Variants in RFTN1 observed in about 807,000 individuals in gnomAD.
RFTN1 encodes raftlin, lipid raft linker 1.
In RFTN1, 26 loss-of-function variants were observed where a neutral mutation model predicts 46.5. That is an observed-to-expected ratio of 0.56 (90% CI 0.41 to 0.78). The LOEUF (loss-of-function observed/expected upper bound fraction) is 0.78. Among genes scored for constraint, RFTN1 ranks in the 30% least tolerant of loss-of-function variants. RFTN1 has a pLI of 0.00. For missense variants in RFTN1, 693 were observed against 718.7 expected (o/e 0.96, Z 0.41); for synonymous variants, 261 against 284.2 (o/e 0.92, Z 0.82).
intron 2 of RFTN1, among the ~76,000 whole-genome samples, chr3:16,476,684 C>T (rs2076285951): frequency 6.6e-6 from 1 of 152,128 alleles, no homozygotes. Context: ...AGAGAAACAC[C>T]CTGGGTCATG....
At position 16,388,639 on chromosome 3, in the gene RFTN1, T is replaced by C. The variant is rs560737351; in HGVS notation, c.442-10537A>G. Among the ~76,000 whole-genome samples, 3 of 152,248 alleles carry C rather than the reference T, an allele frequency of 2.0e-5. No homozygotes were observed. In the East Asian group the frequency reaches 5.8e-4, roughly 29 times the overall value. ...AAATGTGCAGTTCGTGGGTTTTCAG[T>C]CCATCTCTTAAGAAACCAAGTCAAT... On this transcript the variant is annotated intron_variant, in intron 4 of 9. Transcript: ENST00000334133.
At position 16,403,746 on chromosome 3, in the gene RFTN1, TA is replaced by T. The variant is rs2074686596; in HGVS notation, c.441+5628del. Among the ~76,000 whole-genome samples, 3 of 38,130 alleles carry T rather than the reference TA, an allele frequency of 7.9e-5. 1 individual carries two copies. The highest frequency in any genetic ancestry group is 9.7e-4 in the Admixed American group (2 of 2,054). The allele number at this position is 38,130 out of a possible 152,430, so 25.0% of individuals were successfully genotyped here. A position where few individuals can be genotyped will look rare whatever the true frequency, so the allele number is the denominator to read the frequency against. ...TATATATTATATATATTATATTATA[TA>T]TTATATATAAAATATATAATATATA... On this transcript the variant is annotated intron_variant, in intron 4 of 9. Transcript: ENST00000334133.
chr3:16,357,604 C>CG (rs151153935), intron 7 of RFTN1, among the ~76,000 whole-genome samples: 4,718 of 152,318 alleles, frequency 0.031, 113 homozygotes, highest in Middle Eastern at 0.082. Flanking sequence ...TGAGTATTAA[C>CG]GGAGGCCACA....
chr3:16,427,023 C>T lies in RFTN1; in HGVS notation c.332+6828G>A, dbSNP rs1004965765. Among the ~76,000 whole-genome samples the T allele has an allele frequency of 5.9e-5, 9 of 152,054 alleles. No individual in the cohort carries two copies. The highest frequency in any genetic ancestry group is 1.9e-4 in the African/African-American group (8 of 41,372). The stretch of plus-strand genomic sequence containing the variant: ...TGAGATTCCAGCAATTGCTGTGTGT[C>T]GAAGGCAGGATAAGCAGCTCAAAGG... On this transcript the variant is annotated intron_variant, in intron 3 of 9. Transcript: ENST00000334133. The surrounding 1 kb of genome is among the most constrained non-coding windows in gnomAD (Gnocchi z 5.4).
chr3:16,444,410 T>G (rs899895362), intron 2 of RFTN1, among the ~76,000 whole-genome samples: 5 of 152,172 alleles, frequency 3.3e-5, no homozygotes, highest in African/African-American at 7.2e-5. Flanking sequence ...TCCCTATGGG[T>G]TTTTTCCAGG....
At position 16,402,519 on chromosome 3, in the gene RFTN1, A is replaced by G. The variant is rs1409109016; in HGVS notation, c.441+6856T>C. 6.6e-6 allele frequency among the ~76,000 whole-genome samples: 1 copy of G among 152,078 alleles called. No individual in the cohort carries two copies. Among genetic ancestry groups the G allele is most frequent in the Non-Finnish European group, 1.5e-5 (1 of 68,008 alleles). On this transcript the variant is annotated intron_variant, in intron 4 of 9. Coordinates refer to ENST00000334133, the MANE Select transcript of RFTN1 (RefSeq NM_015150.2). The surrounding 1 kb of genome is among the most constrained non-coding windows in gnomAD (Gnocchi z 4.5). ...CAGCAAGCACAGGAGAGCCTTTTTA[A>G]CATAATTTTCATTTCACTCTGAATT... is the stretch of plus-strand genomic sequence containing the variant.
Position 16,426,264 on chromosome 3 carries a change from CCT to C in RFTN1, c.332+7585_332+7586del, listed in dbSNP as rs1481372893. ...CACACCCCAGTAGGCGCTACCACCC[CCT>C]GTGTATTTCGCTTAATTATGAAACC... is the stretch of plus-strand genomic sequence containing the variant. On this transcript the variant is annotated intron_variant, in intron 3 of 9. Transcript: ENST00000334133. This position sits in a 1 kb window ranked among gnomAD's most constrained non-coding sequence, Gnocchi z 5.9. Among the ~76,000 whole-genome samples the C allele has an allele frequency of 2.6e-5, 4 of 152,184 alleles. No individual in the cohort carries two copies. Among genetic ancestry groups the C allele is most frequent in the African/African-American group, 7.2e-5 (3 of 41,438 alleles).
At chr3:16,495,008 G>T (rs2076601945) in intron 1 of RFTN1, among the ~76,000 whole-genome samples, 1 of 152,112 alleles carries the variant, frequency 6.6e-6, no homozygotes, top group South Asian at 2.1e-4. Flanking sequence ...CCTCAGAAAA[G>T]CAACGAGGGC....
At chr3:16,511,518 C>G (rs776346685) in intron 1 of RFTN1, among the ~76,000 whole-genome samples, 1 of 152,116 alleles carries the variant, frequency 6.6e-6, no homozygotes, top group Non-Finnish European at 1.5e-5. Context: ...GGTCACTGTT[C>G]TTGCAACTTT....
chr3:16,509,916 G>A lies in RFTN1; in HGVS notation c.-9+3526C>T, dbSNP rs2076869461. Among the ~76,000 whole-genome samples, 2 of 152,192 alleles carry A rather than the reference G, an allele frequency of 1.3e-5. No individual in the cohort carries two copies. Among genetic ancestry groups the A allele is most frequent in the East Asian group, 1.9e-4 (1 of 5,202 alleles). ...CTGTCTGCCATCTGACTCCTGCAAA[G>A]CTTGGTCAGCCCTGGGACACCTTGA... On this transcript the variant is annotated intron_variant, in intron 1 of 9. Coordinates refer to ENST00000334133, the MANE Select transcript of RFTN1 (RefSeq NM_015150.2). The surrounding 1 kb of genome is among the most constrained non-coding windows in gnomAD (Gnocchi z 4.9).
At chr3:16,431,605 T>C (rs1030687086) in intron 3 of RFTN1, among the ~76,000 whole-genome samples, 10 of 152,104 alleles carry the variant, frequency 6.6e-5, no homozygotes, top group African/African-American at 2.4e-4. Flanking sequence ...GTGCCAGTGA[T>C]CTGACCCAAA....
In RFTN1 at chr3:16,475,303, C is replaced by T. The variant is rs774835546; in HGVS notation, c.145+18422G>A. ...AAGTATTCTTTTATGGCAATACAAACAGACCAAGACACCTAGTATGTTTAG... is the reference window on the plus strand; with the variant it reads ...AAGTATTCTTTTATGGCAATACAAATAGACCAAGACACCTAGTATGTTTAG... On this transcript the variant is annotated intron_variant, in intron 2 of 9. Coordinates refer to ENST00000334133, the MANE Select transcript of RFTN1 (RefSeq NM_015150.2). The surrounding 1 kb of genome is among the most constrained non-coding windows in gnomAD (Gnocchi z 4.2). 1.2e-4 allele frequency among the ~76,000 whole-genome samples: 18 copies of T among 152,198 alleles called. No individual in the cohort carries two copies. The highest frequency in any genetic ancestry group is 1.8e-4 in the Non-Finnish European group (12 of 68,032).
rs904618279 is a variant in RFTN1, at chr3:16,500,673, G to C, written c.-8-6796C>G. Among the ~76,000 whole-genome samples the C allele has an allele frequency of 6.6e-6, 1 of 152,192 alleles. No homozygotes were observed. Among genetic ancestry groups the C allele is most frequent in the Non-Finnish European group, 1.5e-5 (1 of 68,024 alleles). On this transcript the variant is annotated intron_variant, in intron 1 of 9. Transcript: ENST00000334133. The surrounding 1 kb of genome is among the most constrained non-coding windows in gnomAD (Gnocchi z 5.9). ...ATGGTGATCTTCTGGAAAAAATTTT[G>C]GCTGAATCAAACCTTAAGTGGGATG...
In RFTN1 at chr3:16,420,770, A is replaced by C. The variant is rs148383508; in HGVS notation, c.333-11287T>G. 7.8e-4 allele frequency among the ~76,000 whole-genome samples: 119 copies of C among 152,390 alleles called. 3 individuals are homozygous for C. The East Asian group carries it at 0.022, about 28-fold the overall frequency. The stretch of plus-strand genomic sequence containing the variant: ...TAATTTTAACAATTTAAATGGCTAT[A>C]CATGGCTAATGGCTGTGTTACAGGA... On this transcript the variant is annotated intron_variant, in intron 3 of 9. Transcript: ENST00000334133.
rs1401386947 is a variant in RFTN1, at chr3:16,403,805, T to TAA, written c.441+5569_441+5570insTT. The stretch of plus-strand genomic sequence containing the variant: ...TTATATATTTTATATATAATATATA[T>TAA]TATATATTTTATATTATATTTATAT... On this transcript the variant is annotated intron_variant, in intron 4 of 9. Transcript: ENST00000334133. Among the ~76,000 whole-genome samples, 6 of 6,908 alleles carry TAA rather than the reference T, an allele frequency of 8.7e-4. 1 individual carries two copies. Among genetic ancestry groups the TAA allele is most frequent in the African/African-American group, 4.7e-3 (6 of 1,276 alleles). 4.5% of individuals were successfully genotyped at this position (6,908 alleles called of 152,430 possible).
At chr3:16,371,303 C>T (rs1267314733) in intron 5 of RFTN1, among the ~76,000 whole-genome samples, 1 of 152,230 alleles carries the variant, frequency 6.6e-6, no homozygotes, top group South Asian at 2.1e-4. Context: ...TGGACCCACA[C>T]TCTCTGATGC....
chr3:16,480,355 G>A lies in RFTN1; in HGVS notation c.145+13370C>T, dbSNP rs151263085. Among the ~76,000 whole-genome samples, 37 of 152,332 alleles carry A rather than the reference G, an allele frequency of 2.4e-4. No individual in the cohort carries two copies. The East Asian group carries it at 6.7e-3, about 28-fold the overall frequency. On this transcript the variant is annotated intron_variant, in intron 2 of 9. Coordinates refer to ENST00000334133, the MANE Select transcript of RFTN1 (RefSeq NM_015150.2). The surrounding 1 kb of genome is among the most constrained non-coding windows in gnomAD (Gnocchi z 4.3). ...TCTTTTAAGAGGGCCCAATGAGGCT[G>A]TCAAACTAATGTGTACTCCTCCTGA...
In RFTN1 at chr3:16,387,570, T is replaced by TTCTCTC. The variant is rs3054539; in HGVS notation, c.442-9474_442-9469dup. Reference sequence around the variant, plus strand: ...CACTTCTCTCTTCTATATCCTCAATTTCTCTCTCTCTCTCTCTCTCTCTCT... The same window carrying TTCTCTC: ...CACTTCTCTCTTCTATATCCTCAATTTCTCTCTCTCTCTCTCTCTCTCTCTCTCTCT... On this transcript the variant is annotated intron_variant, in intron 4 of 9. Transcript: ENST00000334133. The surrounding 1 kb of genome is among the most constrained non-coding windows in gnomAD (Gnocchi z 5.2). Among the ~76,000 whole-genome samples, 1,951 of 116,424 alleles carry TTCTCTC rather than the reference T, an allele frequency of 0.017. 65 individuals are homozygous for TTCTCTC. The highest frequency in any genetic ancestry group is 0.023 in the African/African-American group (578 of 25,592). 76.4% of individuals were successfully genotyped at this position (116,424 alleles called of 152,430 possible). A position where few individuals can be genotyped will look rare whatever the true frequency, so the allele number is the denominator to read the frequency against.
chr3:16,486,373 G>C (rs1230432038), intron 2 of RFTN1, among the ~76,000 whole-genome samples: 1 of 151,834 alleles, frequency 6.6e-6, no homozygotes, highest in Admixed American at 6.6e-5. Flanking sequence ...TTTGAGCTTA[G>C]ACTCCTCAGC....
Sources: gnomAD v4.1 joint callset for allele counts (sites outside exome capture counted in the v4.1 genomes callset) on GRCh38, gnomAD v4.1.1 for gene constraint, Gnocchi (gnomAD v3.1) non-coding constraint, MANE v1.5 for transcripts, NCBI Gene and HGNC (gene_info 2026-07-23, HGNC 2026-07-21) for gene names.